Variants in RBFOX3 observed in about 807,000 individuals in gnomAD.
RBFOX3 encodes the protein RNA binding protein fox-1 homolog 3.
A neutral mutation model predicts 48.7 loss-of-function variants in RBFOX3; 17 were observed. That is an observed-to-expected ratio of 0.35 (90% CI 0.24 to 0.52). RBFOX3 has a LOEUF of 0.52. Ranked by LOEUF, RBFOX3 falls within the 20% of genes least tolerant of loss-of-function variation. The pLI, the probability that RBFOX3 is intolerant of heterozygous loss-of-function variation, is 0.94. For synonymous variants in RBFOX3, 212 were observed against 209.5 expected (o/e 1.01, Z -0.10); for missense variants, 382 against 497.5 (o/e 0.77, Z 2.21).
chr17:79,628,122 C>T, the RBFOX3 span, among the ~76,000 whole-genome samples: 2 of 152,072 alleles, frequency 1.3e-5, no homozygotes, highest in South Asian at 2.1e-4. Flanking sequence ...ACTCCCCCTC[C>T]TCTGTTCCAG....
At chr17:79,620,360 G>GAC in the RBFOX3 span, among the ~76,000 whole-genome samples, 4 of 111,146 alleles carry the variant, frequency 3.6e-5, no homozygotes, top group Non-Finnish European at 7.8e-5. Context: ...CACGGACATG[G>GAC]ACACACACGG....
chr17:79,313,120 C>G (rs2077073322), intron 2 of RBFOX3, among the ~76,000 whole-genome samples: 1 of 152,206 alleles, frequency 6.6e-6, no homozygotes, highest in African/African-American at 2.4e-5. Context: ...TCACTAAGGT[C>G]AGCCAGCTGC....
intron 2 of RBFOX3, among the ~76,000 whole-genome samples, chr17:79,447,304 G>C (rs570352910): frequency 6.6e-6 from 1 of 152,146 alleles, no homozygotes; most frequent in East Asian, 1.9e-4. Context: ...CTGGAGCTCT[G>C]AGCCGCAGGG....
chr17:79,623,159 G>A, the RBFOX3 span, among the ~76,000 whole-genome samples: 4 of 152,352 alleles, frequency 2.6e-5, no homozygotes, highest in East Asian at 5.8e-4. Context: ...CTCTGCAGGT[G>A]TGCTCATCCC....
At chr17:79,120,726 G>GTGGGTGGATGGAAGGGTGGA in intron 4 of RBFOX3, among the ~76,000 whole-genome samples, 1 of 147,564 alleles carries the variant, frequency 6.8e-6, no homozygotes, top group Admixed American at 6.8e-5. Context: ...GGAAGGGTGG[G>GTGGGTGGATGGAAGGGTGGA]TGGGTGGATG....
At chr17:79,112,189 G>A (rs9891815) in intron 5 of RBFOX3, among the ~76,000 whole-genome samples, 7,891 of 152,268 alleles carry the variant, frequency 0.052, 245 homozygotes, top group Middle Eastern at 0.099. Context: ...GGACCCACCC[G>A]AGGGTATCGA....
chr17:79,330,342 G>A (rs1403297859), intron 2 of RBFOX3, among the ~76,000 whole-genome samples: 1 of 152,092 alleles, frequency 6.6e-6, no homozygotes, highest in East Asian at 1.9e-4. Flanking sequence ...TGCCCTGGAT[G>A]GTTCTGGAAT....
intron 3 of RBFOX3, among the ~76,000 whole-genome samples, chr17:79,280,619 A>G (rs1053641165): frequency 1.3e-5 from 2 of 152,182 alleles, no homozygotes; most frequent in Non-Finnish European, 2.9e-5. Context: ...CTGATTCAGG[A>G]GGGTGTTCCT....
intron 9 of RBFOX3, among the ~76,000 whole-genome samples, chr17:79,101,199 C>T (rs768354960): frequency 2.0e-5 from 3 of 152,174 alleles, no homozygotes; most frequent in Non-Finnish European, 4.4e-5. Context: ...CACTGGGAAT[C>T]GGTGCAGCAG....
intron 1 of RBFOX3, among the ~76,000 whole-genome samples, chr17:79,518,433 C>A (rs2085566194): frequency 6.6e-6 from 1 of 152,258 alleles, no homozygotes; most frequent in East Asian, 1.9e-4. Flanking sequence ...CTGGCCGGGG[C>A]CCCAAGTCCT....
Position 79,195,939 on chromosome 17 carries a change from C to T in RBFOX3, c.-34+39827G>A, listed in dbSNP as rs1278766248. Among the ~76,000 whole-genome samples the T allele has an allele frequency of 6.6e-6, 1 of 152,210 alleles. No individual in the cohort carries two copies. The highest frequency in any genetic ancestry group is 1.5e-5 in the Non-Finnish European group (1 of 68,038). On this transcript the variant is annotated intron_variant, in intron 4 of 14. Transcript: ENST00000693108. The surrounding 1 kb of genome is among the most constrained non-coding windows in gnomAD (Gnocchi z 5.3). ...GAAATGCCATTCCAGTGAAACTGGG[C>T]ATGGCGATAATTATCATCATCAGAA...
intron 2 of RBFOX3, among the ~76,000 whole-genome samples, chr17:79,315,893 T>G (rs72849015): frequency 0.22 from 32,785 of 151,946 alleles, 3,863 homozygotes; most frequent in African/African-American, 0.3. Context: ...GAGCTAACCC[T>G]GGAGGAAACT....
intron 2 of RBFOX3, among the ~76,000 whole-genome samples, chr17:79,425,098 C>A (rs1197787827): frequency 2.6e-5 from 4 of 152,124 alleles, no homozygotes; most frequent in African/African-American, 9.7e-5. Context: ...TGTTATGCCC[C>A]ACCCTCCTCT....
chr17:79,339,240 G>A (rs1463228062), intron 2 of RBFOX3, among the ~76,000 whole-genome samples: 2 of 152,056 alleles, frequency 1.3e-5, no homozygotes, highest in Non-Finnish European at 2.9e-5. Flanking sequence ...TTTGTTTGTA[G>A]AGACAGGGTT....
Position 79,097,399 on chromosome 17 carries a change from G to C in RBFOX3, c.648C>G (p.Thr216=), listed in dbSNP as rs1222831726. ...CGCCCCGGTAGGCAACGGCTGTGCC[G>C]GTGGTGGGGTAGGGGAACCCCGTCA... ...YAVTGFPYPT[T]GTAVAYRGAH... is the part of the protein sequence containing the mutation. The change falls in exon 11 of 15, where the codon ACC becomes ACG. Residue 216 remains threonine (T), a synonymous_variant. Transcript: ENST00000693108. 6.5e-7 allele frequency: 1 copy of C among 1,547,188 alleles called. No individual in the cohort carries two copies. The highest frequency in any genetic ancestry group is 1.4e-5 in the African/African-American group (1 of 72,928).
intron 8 of RBFOX3, among the ~76,000 whole-genome samples, chr17:79,102,938 G>A (rs954276124): frequency 6.6e-6 from 1 of 152,200 alleles, no homozygotes; most frequent in African/African-American, 2.4e-5. Flanking sequence ...GGAGGGAAGA[G>A]GCAGGGGAGA....
Position 79,252,835 on chromosome 17 carries a change from G to A in RBFOX3, c.-73-17030C>T, listed in dbSNP as rs1282370336. Among the ~76,000 whole-genome samples, 3 of 152,044 alleles carry A rather than the reference G, an allele frequency of 2.0e-5. No homozygotes were observed. The highest frequency in any genetic ancestry group is 4.4e-5 in the Non-Finnish European group (3 of 68,024). On this transcript the variant is annotated intron_variant, in intron 3 of 14. Coordinates refer to ENST00000693108, the MANE Select transcript of RBFOX3 (RefSeq NM_001350451.2). This position sits in a 1 kb window ranked among gnomAD's most constrained non-coding sequence, Gnocchi z 4.0. Reference sequence around the variant, plus strand: ...AGTGAGGCGTGGACCCAGGCTTTCTGCCTCTCCAATGAGACAGGAGGGCAG... The same window carrying A: ...AGTGAGGCGTGGACCCAGGCTTTCTACCTCTCCAATGAGACAGGAGGGCAG...
At chr17:79,486,308 C>T (rs1040420859) in intron 1 of RBFOX3, among the ~76,000 whole-genome samples, 15 of 152,138 alleles carry the variant, frequency 9.9e-5, no homozygotes, top group Non-Finnish European at 1.8e-4. Flanking sequence ...CAAAAGGGTC[C>T]AGTCTGTCTC....
Position 79,293,803 on chromosome 17 carries a change from C to T in RBFOX3, c.-74+13921G>A, listed in dbSNP as rs528584730. Among the ~76,000 whole-genome samples the T allele has an allele frequency of 5.9e-5, 9 of 152,250 alleles. No homozygotes were observed. The South Asian group carries it at 8.3e-4, about 14-fold the overall frequency. On this transcript the variant is annotated intron_variant, in intron 3 of 14. Transcript: ENST00000693108. ...GCTGCTTTGGGGGCTGACAGATAAG[C>T]AGGAAGGCTGCCCTGTAGCAGCGGC...
Sources: gnomAD v4.1 joint callset for allele counts (sites outside exome capture counted in the v4.1 genomes callset) on GRCh38, gnomAD v4.1.1 for gene constraint, Gnocchi (gnomAD v3.1) non-coding constraint, MANE v1.5 for transcripts, NCBI Gene and HGNC (gene_info 2026-07-23, HGNC 2026-07-21) for gene names.